CTNNA3: variants seen among roughly 807,000 people sequenced by gnomAD.
The protein encoded by CTNNA3 is catenin alpha 3.
In CTNNA3, 76 loss-of-function variants were observed where a neutral mutation model predicts 95.7. That is an observed-to-expected ratio of 0.79 (90% CI 0.66 to 0.96). The LOEUF (loss-of-function observed/expected upper bound fraction) is 0.96, where lower values mean the gene tolerates loss of function less well. Among genes scored for constraint, CTNNA3 ranks in the 40% least tolerant of loss-of-function variants. The probability of loss-of-function intolerance (pLI) is 0.00; values close to 1 mark genes in which losing one functional copy is unlikely to be tolerated. For missense variants in CTNNA3, 1,191 were observed against 1,089.8 expected (o/e 1.09, Z -1.31); for synonymous variants, 431 against 374.4 (o/e 1.15, Z -1.74).
At chr10:67,663,357 A>G (rs1840243940) in intron 1 of CTNNA3, among the ~76,000 whole-genome samples, 1 of 151,836 alleles carries the variant, frequency 6.6e-6, no homozygotes, top group Non-Finnish European at 1.5e-5. Context: ...TGTGTGTTAA[A>G]GCTAGCTGAG....
At chr10:66,510,732 G>A (rs921392615) in intron 11 of CTNNA3, among the ~76,000 whole-genome samples, 40 of 151,852 alleles carry the variant, frequency 2.6e-4, no homozygotes, top group Non-Finnish European at 5.9e-5. Flanking sequence ...TGTATCCTTG[G>A]AATAAATTCT....
At chr10:66,600,189 CG>C (rs1275513356) in intron 10 of CTNNA3, among the ~76,000 whole-genome samples, 1 of 151,338 alleles carries the variant, frequency 6.6e-6, no homozygotes, top group Non-Finnish European at 1.5e-5. Flanking sequence ...ATTAAAGATC[CG>C]ATATTCAGAA....
chr10:67,350,910 G>GTATATA (rs3057678), intron 5 of CTNNA3, among the ~76,000 whole-genome samples: 4,611 of 141,718 alleles, frequency 0.033, 94 homozygotes, highest in African/African-American at 0.044. Context: ...AAAAGTATGT[G>GTATATA]TATATATATA....
At chr10:65,994,262 T>C (rs1447004330) in intron 15 of CTNNA3, among the ~76,000 whole-genome samples, 1 of 152,228 alleles carries the variant, frequency 6.6e-6, no homozygotes, top group Non-Finnish European at 1.5e-5. Context: ...GTTTTCATGA[T>C]AATAGATATC....
chr10:67,578,841 T>A (rs1321272191), intron 3 of CTNNA3, among the ~76,000 whole-genome samples: 1 of 151,826 alleles, frequency 6.6e-6, no homozygotes, highest in Admixed American at 6.6e-5. Flanking sequence ...TGTATCATGA[T>A]GGGATACTGC....
chr10:66,147,742 G>A (rs544545638), intron 13 of CTNNA3, among the ~76,000 whole-genome samples: 1 of 146,194 alleles, frequency 6.8e-6, no homozygotes, highest in Middle Eastern at 3.5e-3. Flanking sequence ...TGTAAAATAT[G>A]TTTATATTAG....
chr10:67,106,079 G>T (rs1211644875), intron 7 of CTNNA3, among the ~76,000 whole-genome samples: 1 of 152,194 alleles, frequency 6.6e-6, no homozygotes, highest in African/African-American at 2.4e-5. Context: ...TTTTGTGGAA[G>T]AATTACACAA....
At chr10:67,303,138 T>C (rs946198372) in intron 5 of CTNNA3, among the ~76,000 whole-genome samples, 1 of 152,176 alleles carries the variant, frequency 6.6e-6, no homozygotes, top group Non-Finnish European at 1.5e-5. Flanking sequence ...TATAATGCAG[T>C]AACCAAGTGC....
At chr10:67,248,619 G>A (rs749761452) in intron 5 of CTNNA3, among the ~76,000 whole-genome samples, 4 of 151,944 alleles carry the variant, frequency 2.6e-5, no homozygotes, top group Admixed American at 6.6e-5. Flanking sequence ...GAGAGACGGG[G>A]TTTCACCATG....
intron 7 of CTNNA3, among the ~76,000 whole-genome samples, chr10:67,164,343 C>A (rs1861671474): frequency 6.6e-6 from 1 of 151,950 alleles, no homozygotes; most frequent in Admixed American, 6.6e-5. Context: ...CACAAATATG[C>A]AGAAGTAATC....
intron 13 of CTNNA3, among the ~76,000 whole-genome samples, chr10:66,216,926 C>G (rs1470529483): frequency 2.0e-5 from 3 of 152,108 alleles, no homozygotes; most frequent in African/African-American, 7.2e-5. Flanking sequence ...AAATACAGAC[C>G]TATTCCTTAT....
intron 1 of CTNNA3, among the ~76,000 whole-genome samples, chr10:67,732,952 C>A (rs951944110): frequency 6.6e-6 from 1 of 151,682 alleles, no homozygotes; most frequent in Non-Finnish European, 1.5e-5. Context: ...TAGAATTGAG[C>A]AAAGAAGTCA....
At chr10:66,944,160 G>T (rs992049068) in intron 7 of CTNNA3, among the ~76,000 whole-genome samples, 1 of 152,176 alleles carries the variant, frequency 6.6e-6, no homozygotes, top group Admixed American at 6.5e-5. Flanking sequence ...CAAAATTGAA[G>T]TCAATCCTCT....
At chr10:66,382,713 C>A (rs1456542395) in intron 11 of CTNNA3, among the ~76,000 whole-genome samples, 4 of 152,142 alleles carry the variant, frequency 2.6e-5, no homozygotes, top group Non-Finnish European at 4.4e-5. Flanking sequence ...TAGGCGGCTG[C>A]CCCTCTGGGA....
chr10:66,286,619 A>G (rs1403238866), intron 12 of CTNNA3, among the ~76,000 whole-genome samples: 2 of 152,060 alleles, frequency 1.3e-5, no homozygotes, highest in Non-Finnish European at 2.9e-5. Context: ...CAGGGAAAGA[A>G]GTCTAGAGTA....
chr10:67,090,833 C>T (rs1021268729), intron 7 of CTNNA3, among the ~76,000 whole-genome samples: 52 of 152,112 alleles, frequency 3.4e-4, no homozygotes, highest in African/African-American at 1.2e-3. Flanking sequence ...TAAGGTAGAA[C>T]CTGCGGTAAC....
At position 66,465,221 on chromosome 10, in the gene CTNNA3, T is replaced by C. The variant is rs992746904; in HGVS notation, c.1531+55396A>G. On this transcript the variant is annotated intron_variant, in intron 11 of 17. Coordinates refer to ENST00000433211, the MANE Select transcript of CTNNA3 (RefSeq NM_013266.4). ...CTCATTTTAAGATTTAGTGTAACAG[T>C]GACTGATCACCAAACCTAATGAGTG... Among the ~76,000 whole-genome samples, 14 of 151,280 alleles carry C rather than the reference T, an allele frequency of 9.3e-5. 1 individual carries two copies. Among genetic ancestry groups the C allele is most frequent in the Admixed American group, 8.5e-4 (13 of 15,246 alleles).
At chr10:66,788,418 T>C (rs1840833684) in intron 7 of CTNNA3, among the ~76,000 whole-genome samples, 1 of 152,166 alleles carries the variant, frequency 6.6e-6, no homozygotes, top group African/African-American at 2.4e-5. Flanking sequence ...ATTGCTGTGA[T>C]GATAATCGCC....
chr10:66,027,498 T>C (rs896412054), intron 15 of CTNNA3, among the ~76,000 whole-genome samples: 1 of 152,180 alleles, frequency 6.6e-6, no homozygotes, highest in Non-Finnish European at 1.5e-5. Flanking sequence ...ATGCCAGAAA[T>C]GTGCTCTCTA....
Sources: allele counts gnomAD v4.1 joint callset (sites outside exome capture counted in the v4.1 genomes callset), GRCh38; gene constraint gnomAD v4.1.1; transcripts MANE v1.5; gene names NCBI Gene and HGNC (gene_info 2026-07-23, HGNC 2026-07-21).